The following NSL1 variants were observed in gnomAD, a reference collection of about 807,000 sequenced individuals.
NSL1 encodes the protein kinetochore-associated protein NSL1 homolog.
NSL1 carries 11 observed loss-of-function variants against 25.4 expected under a neutral mutation model. The ratio of observed to expected loss-of-function variants is 0.43; its 90% CI spans 0.27 to 0.72. The LOEUF is 0.72. Among genes scored for constraint, NSL1 ranks in the 30% least tolerant of loss-of-function variants. The pLI is 0.19. For missense variants in NSL1, 330 were observed against 342.7 expected, an observed-to-expected ratio of 0.96 and a Z score of 0.29; for synonymous variants, 118 against 120.6, an observed-to-expected ratio of 0.98 and a Z score of 0.14.
At position 212,737,140 on chromosome 1, in the gene NSL1, T is replaced by G; in HGVS notation, c.*1268A>C. On this transcript the variant is annotated 3_prime_UTR_variant, in exon 6 of 6. Transcript: ENST00000366977. ...TGAGCTCAGGAATGCCTAAGACAAC[T>G]CATAAAAATACACAGCATCAAGATC... The G allele has an allele frequency of 1.0e-6, 1 of 985,306 alleles. No individual in the cohort carries two copies. The highest frequency in any genetic ancestry group is 1.2e-6 in the Non-Finnish European group (1 of 829,842). The allele number at this position is 985,306 out of a possible 1,614,324, so 61.0% of individuals were successfully genotyped here.
At chr1:212,746,531 GTCCT>G (rs1040058674) in intron 4 of NSL1, among the ~76,000 whole-genome samples, 1 of 152,106 alleles carries the variant, frequency 6.6e-6, no homozygotes, top group East Asian at 1.9e-4. Context: ...AATAGCAAAA[GTCCT>G]TCCTTATCAG....
chr1:212,749,661 G>C (rs928135825), intron 4 of NSL1, among the ~76,000 whole-genome samples: 7 of 151,982 alleles, frequency 4.6e-5, no homozygotes, highest in African/African-American at 1.7e-4. Flanking sequence ...AGGATTCTTA[G>C]AGACTAAGCG....
rs560882615 is a variant in NSL1 at position 212,734,743 on chromosome 1, A to C, written c.*3665T>G. Among the ~76,000 whole-genome samples, 43 of 152,330 alleles carry C rather than the reference A, an allele frequency of 2.8e-4. No homozygotes were observed. The highest frequency in any genetic ancestry group is 9.1e-4 in the African/African-American group (38 of 41,560). On this transcript the variant is annotated 3_prime_UTR_variant, in exon 6 of 6. Coordinates refer to ENST00000366977, the MANE Select transcript of NSL1 (RefSeq NM_015471.4). ...CCTTCCCTGATTATTTGCCTAAAAC[A>C]TTCAAGACTGCTCAAATGCCACCTC... is the stretch of plus-strand genomic sequence containing the variant.
chr1:212,763,671 TA>T (rs1468239648), intron 4 of NSL1, among the ~76,000 whole-genome samples: 29 of 151,922 alleles, frequency 1.9e-4, no homozygotes, highest in Non-Finnish European at 4.1e-4. Context: ...GCAACAACAG[TA>T]AAAAAGACAA....
intron 4 of NSL1, among the ~76,000 whole-genome samples, chr1:212,780,594 A>C (rs1449499701): frequency 6.6e-6 from 1 of 151,808 alleles, no homozygotes; most frequent in East Asian, 1.9e-4. Flanking sequence ...AACTTTCAAG[A>C]GGTTCCCACA....
At chr1:212,789,785 G>A (rs1422522168) in intron 1 of NSL1, among the ~76,000 whole-genome samples, 3 of 152,264 alleles carry the variant, frequency 2.0e-5, no homozygotes, top group Admixed American at 6.5e-5. Context: ...GTTAAGCCAA[G>A]TTCCTCTTTT....
At chr1:212,763,495 C>A (rs746292492) in intron 4 of NSL1, among the ~76,000 whole-genome samples, 3 of 151,952 alleles carry the variant, frequency 2.0e-5, no homozygotes, top group Non-Finnish European at 4.4e-5. Context: ...TACAGAATGA[C>A]AGAATGGATA....
intron 4 of NSL1, among the ~76,000 whole-genome samples, chr1:212,781,077 G>C (rs1660712679): frequency 6.6e-6 from 1 of 152,126 alleles, no homozygotes; most frequent in African/African-American, 2.4e-5. Flanking sequence ...GCTATTCTAA[G>C]CTTGTTAACA....
chr1:212,738,817 C>G (rs1658360289), intron 5 of NSL1, 131 bp from the exon 6 acceptor site: 2 of 703,450 alleles, frequency 2.8e-6, no homozygotes, highest in Non-Finnish European at 2.3e-6. Flanking sequence ...GGCTGGAGGG[C>G]AGTGGTGTGA....
rs536608153 is a variant in NSL1, at chr1:212,760,563, C to T, written c.500-20962G>A. ...AGCCTATCATCACCACCACCATCAC[C>T]GCCAGGACCCCCCTAAATGTGCTCT... On this transcript the variant is annotated intron_variant, in intron 4 of 5. Transcript: ENST00000366977. This position sits in a 1 kb window ranked among gnomAD's most constrained non-coding sequence, Gnocchi z 4.3. Among the ~76,000 whole-genome samples the T allele has an allele frequency of 7.9e-5, 12 of 152,200 alleles. No homozygotes were observed. The highest frequency in any genetic ancestry group is 6.2e-4 in the South Asian group (3 of 4,826).
intron 4 of NSL1, among the ~76,000 whole-genome samples, chr1:212,753,064 C>T (rs145077876): frequency 1.6e-3 from 244 of 152,258 alleles, no homozygotes; most frequent in African/African-American, 5.6e-3. Flanking sequence ...AAAATGAAAC[C>T]AAAAACACAG....
rs1284498150 is a variant in NSL1, at chr1:212,735,734, TTGCACTCTGTCCCTCTCTCCACATGCA to T, written c.*2647_*2673del. On this transcript the variant is annotated 3_prime_UTR_variant, in exon 6 of 6. Coordinates refer to ENST00000366977, the MANE Select transcript of NSL1 (RefSeq NM_015471.4). ...CTTATAAGAAGAGACACCAGAGAGC[TTGCACTCTGTCCCTCTCTCCACATGCA>T]TGCACTGAGGAAAGGCCATGTGAGG... 6.6e-6 allele frequency among the ~76,000 whole-genome samples: 1 copy of T among 152,140 alleles called. No individual in the cohort carries two copies. The highest frequency in any genetic ancestry group is 1.9e-4 in the East Asian group (1 of 5,188).
intron 4 of NSL1, among the ~76,000 whole-genome samples, chr1:212,776,377 A>T (rs1558059631): frequency 6.6e-6 from 1 of 151,166 alleles, no homozygotes; most frequent in Non-Finnish European, 1.5e-5. Flanking sequence ...AAAAAATAAT[A>T]AATAATAATA....
At position 212,773,772 on chromosome 1, in the gene NSL1, G is replaced by A. The variant is rs113829529; in HGVS notation, c.499+8600C>T. ...TTACAGCACTATTCACAATAGCCTA[G>A]ATACGGAATCAACCTAAGTGTCCAT... On this transcript the variant is annotated intron_variant, in intron 4 of 5. Coordinates refer to ENST00000366977, the MANE Select transcript of NSL1 (RefSeq NM_015471.4). Among the ~76,000 whole-genome samples the A allele has an allele frequency of 5.2e-3, 794 of 152,182 alleles. 5 individuals are homozygous for A. The highest frequency in any genetic ancestry group is 0.018 in the African/African-American group (757 of 41,524).
rs887880223 is a variant in NSL1 at position 212,726,662 on chromosome 1, C to T, written c.*11746G>A. ...CCGACCACCTGGCTCATCTCAGCTC[C>T]CAGCGGCACTGTGTTACCCCTGAGG... On this transcript the variant is annotated 3_prime_UTR_variant, in exon 6 of 6. Coordinates refer to ENST00000366977, the MANE Select transcript of NSL1 (RefSeq NM_015471.4). 9.8e-5 allele frequency: 15 copies of T among 153,738 alleles called. No individual in the cohort carries two copies. The highest frequency in any genetic ancestry group is 3.6e-4 in the African/African-American group (15 of 41,502). The allele number at this position is 153,738 out of a possible 1,614,324, so 9.5% of individuals were successfully genotyped here. A position where few individuals can be genotyped will look rare whatever the true frequency, so the allele number is the denominator to read the frequency against.
At chr1:212,776,734 ACAAC>A (rs199890619) in intron 4 of NSL1, among the ~76,000 whole-genome samples, 11,099 of 151,036 alleles carry the variant, frequency 0.073, 448 homozygotes, top group African/African-American at 0.11. Context: ...AACAACAACA[ACAAC>A]AAAAAAAACC....
At chr1:212,742,560 CAT>C (rs1658554917) in intron 4 of NSL1, among the ~76,000 whole-genome samples, 1 of 152,132 alleles carries the variant, frequency 6.6e-6, no homozygotes, top group Admixed American at 6.5e-5. Flanking sequence ...TACCAGAAAA[CAT>C]ATCTCCTGCT....
At chr1:212,770,996 T>C (rs1267937194) in intron 4 of NSL1, among the ~76,000 whole-genome samples, 1 of 152,064 alleles carries the variant, frequency 6.6e-6, no homozygotes, top group Non-Finnish European at 1.5e-5. Context: ...TTTGATAAAA[T>C]TCAACATTCT....
At position 212,731,765 on chromosome 1, in the gene NSL1, TGTCAAAGCTGGTGTTCAGACA is replaced by T; in HGVS notation, c.*6622_*6642del. ...GTGAAGATTTCACTCCCCACTGCCA[TGTCAAAGCTGGTGTTCAGACA>T]GTCACACTGTTACAAACATATGGAT... On this transcript the variant is annotated 3_prime_UTR_variant, in exon 6 of 6. Coordinates refer to ENST00000366977, the MANE Select transcript of NSL1 (RefSeq NM_015471.4). 1.0e-6 allele frequency: 1 copy of T among 985,396 alleles called. No homozygotes were observed. The highest frequency in any genetic ancestry group is 1.2e-6 in the Non-Finnish European group (1 of 829,892). 61.0% of individuals were successfully genotyped at this position (985,396 alleles called of 1,614,324 possible).
Sources: gnomAD v4.1 joint callset for allele counts (sites outside exome capture counted in the v4.1 genomes callset) on GRCh38, gnomAD v4.1.1 for gene constraint, Gnocchi (gnomAD v3.1) non-coding constraint, MANE v1.5 for transcripts, NCBI Gene and HGNC (gene_info 2026-07-23, HGNC 2026-07-21) for gene names.